Variants in AUTS2 observed in about 807,000 individuals in gnomAD.
The protein encoded by AUTS2 is autism susceptibility gene 2 protein.
Under a neutral mutation model 112.4 loss-of-function variants are expected in AUTS2, and 17 were observed. The observed-to-expected ratio is 0.15, with a 90% CI of 0.10 to 0.23. The LOEUF (loss-of-function observed/expected upper bound fraction) is 0.23. Ranked by LOEUF, AUTS2 falls within the 10% of genes least tolerant of loss-of-function variation. The probability of loss-of-function intolerance (pLI) is 1.00; values close to 1 mark genes in which losing one functional copy is unlikely to be tolerated. For synonymous variants in AUTS2, 751 were observed against 702.7 expected (o/e 1.07, Z -1.09); for missense variants, 1,510 against 1,701.6 (o/e 0.89, Z 1.98).
intron 4 of AUTS2, among the ~76,000 whole-genome samples, chr7:70,384,847 G>C (rs1012670573): frequency 6.6e-6 from 1 of 152,198 alleles, no homozygotes; most frequent in African/African-American, 2.4e-5. Context: ...TCCAGTAGGA[G>C]AATGAGATAT....
rs570489044 is a variant in AUTS2, at chr7:70,408,275, G to A, written c.661-27477G>A. ...CCCAGCACTGGGAAGGAAGGGGTCTGGTATGGTAGTGATCGTAGGGTCAGC... is the reference window on the plus strand; with the variant it reads ...CCCAGCACTGGGAAGGAAGGGGTCTAGTATGGTAGTGATCGTAGGGTCAGC... On this transcript the variant is annotated intron_variant, in intron 4 of 18. Transcript: ENST00000342771. Among the ~76,000 whole-genome samples the A allele has an allele frequency of 1.4e-3, 218 of 152,238 alleles. 1 individual carries two copies. Among genetic ancestry groups the A allele is most frequent in the African/African-American group, 2.0e-3 (85 of 41,530 alleles).
intron 5 of AUTS2, among the ~76,000 whole-genome samples, chr7:70,615,247 G>A (rs1804295401): frequency 6.6e-6 from 1 of 152,180 alleles, no homozygotes; most frequent in African/African-American, 2.4e-5. Context: ...AGGGATGAGG[G>A]TGGAGCAGGA....
chr7:70,527,874 A>G (rs1348651556), intron 5 of AUTS2, among the ~76,000 whole-genome samples: 3 of 152,168 alleles, frequency 2.0e-5, no homozygotes, highest in Non-Finnish European at 4.4e-5. Context: ...TATCAGTGAC[A>G]TCTAGATTTA....
intron 4 of AUTS2, among the ~76,000 whole-genome samples, chr7:70,426,827 G>C (rs1795458035): frequency 6.7e-6 from 1 of 150,322 alleles, no homozygotes; most frequent in Non-Finnish European, 1.5e-5. Context: ...AAGGGAAAAG[G>C]CTCAGGGTGA....
chr7:70,610,020 C>T (rs1373241459), intron 5 of AUTS2, among the ~76,000 whole-genome samples: 1 of 151,844 alleles, frequency 6.6e-6, no homozygotes, highest in African/African-American at 2.4e-5. Context: ...CAGAATCTCA[C>T]TCTGTCGCTT....
At position 70,392,387 on chromosome 7, in the gene AUTS2, T is replaced by C. The variant is rs983173632; in HGVS notation, c.661-43365T>C. 5.3e-5 allele frequency among the ~76,000 whole-genome samples: 8 copies of C among 152,142 alleles called. No individual in the cohort carries two copies. The East Asian group carries it at 1.3e-3, about 26-fold the overall frequency. ...TTTTAGAAACATTTTCCAGATTTAA[T>C]TGAGGCTTCTGGGAAGCCTTGCTGT... On this transcript the variant is annotated intron_variant, in intron 4 of 18. Coordinates refer to ENST00000342771, the MANE Select transcript of AUTS2 (RefSeq NM_015570.4).
At chr7:70,492,757 G>A (rs547125899) in intron 5 of AUTS2, among the ~76,000 whole-genome samples, 10 of 152,124 alleles carry the variant, frequency 6.6e-5, no homozygotes, top group South Asian at 6.2e-4. Flanking sequence ...TTGGCAAGAC[G>A]AAAGGCCTTG....
intron 5 of AUTS2, among the ~76,000 whole-genome samples, chr7:70,629,036 T>C (rs1371735490): frequency 6.6e-6 from 1 of 152,130 alleles, no homozygotes; most frequent in Non-Finnish European, 1.5e-5. Flanking sequence ...CAGGTTCATA[T>C]CCATCGCGGG....
In AUTS2 at chr7:69,762,699, C is replaced by T. The variant is rs79858063; in HGVS notation, c.310-136587C>T. On this transcript the variant is annotated intron_variant, in intron 1 of 18. Transcript: ENST00000342771. ...TTAAATCAAACAATCAGTTATTGTA[C>T]TGGAGAAGAAAATAATTGTTTCTAA... Among the ~76,000 whole-genome samples, 935 of 152,112 alleles carry T rather than the reference C, an allele frequency of 6.1e-3. 7 individuals carry two copies. The highest frequency in any genetic ancestry group is 0.021 in the African/African-American group (874 of 41,466).
chr7:70,675,726 A>G (rs948111296), intron 5 of AUTS2, among the ~76,000 whole-genome samples: 1 of 152,204 alleles, frequency 6.6e-6, no homozygotes, highest in Non-Finnish European at 1.5e-5. Context: ...CAGGGACAAA[A>G]GCACCTCTGC....
At chr7:70,652,697 C>T (rs943853935) in intron 5 of AUTS2, among the ~76,000 whole-genome samples, 1 of 152,132 alleles carries the variant, frequency 6.6e-6, no homozygotes, top group African/African-American at 2.4e-5. Context: ...TCAGCCTGGG[C>T]AACATAGCAA....
At chr7:70,471,666 C>T (rs1437466302) in intron 5 of AUTS2, among the ~76,000 whole-genome samples, 1 of 151,934 alleles carries the variant, frequency 6.6e-6, no homozygotes, top group Non-Finnish European at 1.5e-5. Context: ...AGTATGTAGA[C>T]TAATTGGTGT....
intron 6 of AUTS2, among the ~76,000 whole-genome samples, chr7:70,744,438 T>C (rs1050837805): frequency 2.0e-5 from 3 of 152,110 alleles, no homozygotes; most frequent in African/African-American, 7.2e-5. Context: ...CTCCTGTCTT[T>C]AAGGTCAGGG....
chr7:70,408,521 C>T (rs1005188544), intron 4 of AUTS2, among the ~76,000 whole-genome samples: 4 of 152,118 alleles, frequency 2.6e-5, no homozygotes, highest in Non-Finnish European at 4.4e-5. Context: ...TCCACTTAAC[C>T]CCTTAAAAAC....
intron 1 of AUTS2, among the ~76,000 whole-genome samples, chr7:69,851,235 T>C (rs1337686031): frequency 6.6e-6 from 1 of 152,196 alleles, no homozygotes; most frequent in Non-Finnish European, 1.5e-5. Context: ...CCTTACTGTA[T>C]TGATTACAGT....
chr7:70,486,575 A>AAAAACAAAAAACAAAAACAAAAC (rs1798008614), intron 5 of AUTS2, among the ~76,000 whole-genome samples: 1 of 152,064 alleles, frequency 6.6e-6, no homozygotes, highest in Admixed American at 6.5e-5. Flanking sequence ...GTCTCTACTA[A>AAAAACAAAAAACAAAAACAAAAC]AAAACAAAAA....
At chr7:69,858,470 G>A (rs1792833894) in intron 1 of AUTS2, among the ~76,000 whole-genome samples, 1 of 152,192 alleles carries the variant, frequency 6.6e-6, no homozygotes. Context: ...AAAGAGAAGA[G>A]GTTGGACTTA....
At chr7:70,177,562 A>G (rs989614180) in intron 4 of AUTS2, among the ~76,000 whole-genome samples, 1 of 152,208 alleles carries the variant, frequency 6.6e-6, no homozygotes, top group African/African-American at 2.4e-5. Context: ...TATTTTACAT[A>G]TAGGGAATCT....
chr7:69,824,800 T>C (rs1175909526), intron 1 of AUTS2: 1 of 152,214 alleles, frequency 6.6e-6, no homozygotes, highest in Non-Finnish European at 1.5e-5. Context: ...TAGTTACTGG[T>C]GAAATTGAGC....
Sources: gnomAD v4.1 joint callset for allele counts (sites outside exome capture counted in the v4.1 genomes callset) on GRCh38, gnomAD v4.1.1 for gene constraint, MANE v1.5 for transcripts, NCBI Gene and HGNC (gene_info 2026-07-23, HGNC 2026-07-21) for gene names.